The following SERPINF1 variants were observed in gnomAD, a reference collection of about 807,000 sequenced individuals.
SERPINF1 encodes serpin family F member 1.
A neutral mutation model predicts 37.3 loss-of-function variants in SERPINF1; 29 were observed. That is an observed-to-expected ratio of 0.78 (90% CI 0.58 to 1.06). The LOEUF (loss-of-function observed/expected upper bound fraction) is 1.06, where lower values mean the gene tolerates loss of function less well. SERPINF1 is among the 50% of genes least tolerant of loss of function. The pLI is 0.00. For synonymous variants in SERPINF1, 281 were observed against 227.9 expected (o/e 1.23, Z -2.10); for missense variants, 553 against 532.2 (o/e 1.04, Z -0.38).
Position 1,771,907 on chromosome 17 carries a change from GAA to G in SERPINF1, c.478_479del (p.Lys160ValfsTer42). ...AAAATCCAGCTTTGTGGCACCTCTG[GAA>G]AAGTCATATGGGACCAGGCCCAGAG... ...RIKSSFVAPLEKSYGTRPRVL... is the reference protein window; with the variant it reads ...RIKSSFVAPLXKSYGTRPRVL... On this transcript the variant is annotated frameshift_variant, in exon 5 of 8. Coordinates refer to ENST00000254722, the MANE Select transcript of SERPINF1 (RefSeq NM_002615.7). LOFTEE classifies it high-confidence loss of function. 6.2e-7 allele frequency: 1 copy of G among 1,613,798 alleles called. No individual in the cohort carries two copies. The highest frequency in any genetic ancestry group is 8.5e-7 in the Non-Finnish European group (1 of 1,179,994).
At chr17:1,774,635 T>G (rs1323331466) in intron 5 of SERPINF1, among the ~76,000 whole-genome samples, 3 of 151,946 alleles carry the variant, frequency 2.0e-5, no homozygotes, top group African/African-American at 4.8e-5. Flanking sequence ...CCCGGCCATT[T>G]TTGTATTTTT....
Position 1,774,415 on chromosome 17 carries a change from C to T in SERPINF1, c.644-643C>T, listed in dbSNP as rs367603997. On this transcript the variant is annotated intron_variant, in intron 5 of 7. Coordinates refer to ENST00000254722, the MANE Select transcript of SERPINF1 (RefSeq NM_002615.7). ...TTCGCCATGCTGGCCAGGCTGTTCT[C>T]GAAAACTCCTGACCTCAGATGATCC... 2.8e-4 allele frequency among the ~76,000 whole-genome samples: 43 copies of T among 152,278 alleles called. 1 individual carries two copies. The South Asian group carries it at 7.5e-3, about 26-fold the overall frequency.
chr17:1,775,414 T>G (rs1383024667), intron 6 of SERPINF1, among the ~76,000 whole-genome samples: 1 of 152,196 alleles, frequency 6.6e-6, no homozygotes, highest in Non-Finnish European at 1.5e-5. Context: ...CAGGGTTTGT[T>G]GTAAGGACGA....
chr17:1,772,844 C>T (rs1260734018), intron 5 of SERPINF1, among the ~76,000 whole-genome samples: 1 of 152,118 alleles, frequency 6.6e-6, no homozygotes, highest in African/African-American at 2.4e-5. Context: ...CTGCGCCCGG[C>T]CCTTTTACAT....
chr17:1,770,691 C>G (rs1907672554), intron 3 of SERPINF1: 3 of 335,764 alleles, frequency 8.9e-6, no homozygotes, highest in South Asian at 7.4e-5. Context: ...AACTCCCGGG[C>G]TCAAGCGATC....
At chr17:1,770,838 G>A in intron 3 of SERPINF1, 191 bp from the exon 4 acceptor site, 1 of 664,888 alleles carries the variant, frequency 1.5e-6, no homozygotes, top group Non-Finnish European at 2.7e-6. Flanking sequence ...TTCCAGGCCT[G>A]ATGCCTTTAA....
In SERPINF1 at chr17:1,777,563, T is replaced by A; in HGVS notation, c.*117T>A. 1.6e-6 allele frequency: 2 copies of A among 1,264,786 alleles called. No homozygotes were observed. Among genetic ancestry groups the A allele is most frequent in the African/African-American group, 1.5e-5 (1 of 67,422 alleles). The allele number at this position is 1,264,786 out of a possible 1,614,324, so 78.3% of individuals were successfully genotyped here. ...GCATACAATAAAAGAGCTTTATCCCTAACTTCTGTTACTTCGTTCCTCCTC... is the reference window on the plus strand; with the variant it reads ...GCATACAATAAAAGAGCTTTATCCCAAACTTCTGTTACTTCGTTCCTCCTC... On this transcript the variant is annotated 3_prime_UTR_variant, in exon 8 of 8. Transcript: ENST00000254722.
At position 1,774,580 on chromosome 17, in the gene SERPINF1, C is replaced by T. The variant is rs577593373; in HGVS notation, c.644-478C>T. 1.6e-3 allele frequency among the ~76,000 whole-genome samples: 241 copies of T among 152,254 alleles called. 2 individuals carry two copies. The highest frequency in any genetic ancestry group is 5.5e-3 in the African/African-American group (228 of 41,538). On this transcript the variant is annotated intron_variant, in intron 5 of 7. Transcript: ENST00000254722. ...CTCCTGACCTCAAGTGATCTGCCCACCTTGGCCTCCTGAAGGGCTGGGACT... is the reference window on the plus strand; with the variant it reads ...CTCCTGACCTCAAGTGATCTGCCCATCTTGGCCTCCTGAAGGGCTGGGACT...
At chr17:1,764,954 C>T (rs7220762) in intron 1 of SERPINF1, among the ~76,000 whole-genome samples, 47,998 of 150,712 alleles carry the variant, frequency 0.32, 8,606 homozygotes, top group South Asian at 0.51. Flanking sequence ...AGTGATTCTC[C>T]TGCCTTAGCC....
At chr17:1,765,206 G>A (rs1383036536) in intron 1 of SERPINF1, among the ~76,000 whole-genome samples, 5 of 148,802 alleles carry the variant, frequency 3.4e-5, no homozygotes, top group South Asian at 2.1e-4. Context: ...GCAGTGGTGC[G>A]ATCTTGGCTC....
In SERPINF1 at chr17:1,769,888, G is replaced by T. The variant is rs752526110; in HGVS notation, c.121G>T (p.Glu41Ter). 2 of 1,614,180 alleles carry T rather than the reference G, an allele frequency of 1.2e-6. No individual in the cohort carries two copies. Among genetic ancestry groups the T allele is most frequent in the Non-Finnish European group, 1.7e-6 (2 of 1,180,016 alleles). ...PDPDSTGALVEEEDPFFKVPV... is the reference protein window; with the variant it reads ...PDPDSTGALV ...CCCCGACAGCACAGGGGCGCTGGTG[G>T]AGGAGGAGGATCCTTTCTTCAAAGT... Residue 41 changes from glutamate (E) to a stop codon, truncating the protein, a stop_gained, in exon 3 of 8, where the codon GAG (glutamate) becomes TAG (stop). Transcript: ENST00000254722. LOFTEE classifies it high-confidence loss of function.
In SERPINF1 at chr17:1,766,986, C is replaced by T. The variant is rs1167581951; in HGVS notation, c.76C>T (p.Pro26Ser). The change falls in exon 2 of 8, where the codon CCG becomes TCG. Residue 26 changes from proline to serine, a missense_variant. Transcript: ENST00000254722. The stretch of plus-strand genomic sequence containing the variant: ...CAGCTGCCAGAACCCTGCCAGCCCC[C>T]CGGAGGAGGTCAGTAGGCAGGCGGG... ...HSSCQNPASP[P>S]EEGSPDPDST... 2 of 1,554,544 alleles carry T rather than the reference C, an allele frequency of 1.3e-6. No homozygotes were observed. The highest frequency in any genetic ancestry group is 4.8e-5 in the East Asian group (2 of 41,386).
At chr17:1,767,046 C>T (rs1907431189) in intron 2 of SERPINF1, 52 bp downstream of exon 2, 1 of 1,483,328 alleles carries the variant, frequency 6.7e-7, no homozygotes, top group Admixed American at 2.0e-5. Context: ...CCCTCCTTGG[C>T]AGGCAGCACG....
intron 5 of SERPINF1, among the ~76,000 whole-genome samples, chr17:1,772,557 C>CATTT (rs932066922): frequency 2.0e-5 from 3 of 149,960 alleles, no homozygotes; most frequent in African/African-American, 4.9e-5. Flanking sequence ...GGCCCTTTTA[C>CATTT]ATTTATTTAT....
At chr17:1,775,964 G>A (rs1005667486) in intron 6 of SERPINF1, among the ~76,000 whole-genome samples, 2 of 152,214 alleles carry the variant, frequency 1.3e-5, no homozygotes, top group South Asian at 2.1e-4. Flanking sequence ...CCTCAAACCC[G>A]AGGGAGCACC....
At position 1,770,498 on chromosome 17, in the gene SERPINF1, C is replaced by T. The variant is rs546415424; in HGVS notation, c.283+448C>T. ...TTTCTGAGACGGAGTCTCGCTTTGT[C>T]GCCAAGGCTGGAGTGCAGTGGTGTG... is the stretch of plus-strand genomic sequence containing the variant. On this transcript the variant is annotated intron_variant, in intron 3 of 7. Transcript: ENST00000254722. 213 of 189,422 alleles carry T rather than the reference C, an allele frequency of 1.1e-3. 2 individuals carry two copies. Among genetic ancestry groups the T allele is most frequent in the Admixed American group, 2.4e-3 (42 of 17,390 alleles). The allele number at this position is 189,422 out of a possible 1,614,324, so 11.7% of individuals were successfully genotyped here.
At chr17:1,769,526 A>T in intron 2 of SERPINF1, 1 of 431,760 alleles carries the variant, frequency 2.3e-6, no homozygotes, top group East Asian at 4.9e-5. Flanking sequence ...TGGGAGGCTA[A>T]GGCAGGAAAA....
intron 5 of SERPINF1, among the ~76,000 whole-genome samples, 161 bp from the exon 6 acceptor site, chr17:1,774,897 A>G (rs1399543913): frequency 6.6e-6 from 1 of 152,168 alleles, no homozygotes; most frequent in African/African-American, 2.4e-5. Context: ...GCTCCAAGCC[A>G]CACACACTGA....
intron 3 of SERPINF1, 86 bp from the exon 4 acceptor site, chr17:1,770,943 T>G: frequency 1.7e-4 from 255 of 1,536,138 alleles, no homozygotes; most frequent in East Asian, 4.5e-4. Flanking sequence ...ACAAAAAAGA[T>G]GAGTATAGTG....
Sources: allele counts gnomAD v4.1 joint callset (sites outside exome capture counted in the v4.1 genomes callset), GRCh38; gene constraint gnomAD v4.1.1; transcripts MANE v1.5; gene names NCBI Gene and HGNC (gene_info 2026-07-23, HGNC 2026-07-21).